RAB15: variants seen among roughly 807,000 people sequenced by gnomAD.
RAB15 encodes ras-related protein Rab-15.
RAB15 carries 13 observed loss-of-function variants against 31.8 expected under a neutral mutation model. That is an observed-to-expected ratio of 0.41 (90% CI 0.27 to 0.65). The LOEUF is 0.65. RAB15 is among the 30% of genes least tolerant of loss of function. The probability of loss-of-function intolerance (pLI) is 0.32; values close to 1 mark genes in which losing one functional copy is unlikely to be tolerated. For missense variants in RAB15, 220 were observed against 277.3 expected, an observed-to-expected ratio of 0.79 and a Z score of 1.47; for synonymous variants, 100 against 105.6, an observed-to-expected ratio of 0.95 and a Z score of 0.33.
rs112773328 is a variant in RAB15, at chr14:64,961,635, T to C, written c.125-9064A>G. The stretch of plus-strand genomic sequence containing the variant: ...ATCTTAACAGTCTCAAGCCCAGGCA[T>C]GGTGGCTCACACCTGTAAACCCAGC... On this transcript the variant is annotated intron_variant, in intron 1 of 6. Coordinates refer to ENST00000533601, the MANE Select transcript of RAB15 (RefSeq NM_001308154.2). Among the ~76,000 whole-genome samples the C allele has an allele frequency of 5.0e-3, 756 of 152,178 alleles. 5 individuals carry two copies. The highest frequency in any genetic ancestry group is 0.017 in the African/African-American group (717 of 41,516).
chr14:64,971,888 C>T lies in RAB15; in HGVS notation c.124+65G>A, dbSNP rs1887440510. On this transcript the variant is annotated intron_variant, in intron 1 of 6. Transcript: ENST00000533601. This position sits in a 1 kb window ranked among gnomAD's most constrained non-coding sequence, Gnocchi z 4.1. ...CTGGCAATTCCTCCCCAGCTGGGGA[C>T]GGGGGCGGCGGGGAAAGGGGCCGCG... is the stretch of plus-strand genomic sequence containing the variant. The T allele has an allele frequency of 2.9e-6, 4 of 1,385,458 alleles. No individual in the cohort carries two copies. Among genetic ancestry groups the T allele is most frequent in the Non-Finnish European group, 3.9e-6 (4 of 1,024,614 alleles). 85.8% of individuals were successfully genotyped at this position (1,385,458 alleles called of 1,614,324 possible).
rs1050742484 is a variant in RAB15, at chr14:64,971,689, C to A, written c.124+264G>T. Reference sequence around the variant, plus strand: ...TACCCAGGCCTACACCAGCTCCCCTCACCCCCGGTTTCTCGGTTTGATGGG... The same window carrying A: ...TACCCAGGCCTACACCAGCTCCCCTAACCCCCGGTTTCTCGGTTTGATGGG... On this transcript the variant is annotated intron_variant, in intron 1 of 6. Transcript: ENST00000533601. This position sits in a 1 kb window ranked among gnomAD's most constrained non-coding sequence, Gnocchi z 4.1. 10 of 524,190 alleles carry A rather than the reference C, an allele frequency of 1.9e-5. No homozygotes were observed. Among genetic ancestry groups the A allele is most frequent in the Admixed American group, 1.0e-4 (3 of 29,352 alleles). The allele number at this position is 524,190 out of a possible 1,614,324, so 32.5% of individuals were successfully genotyped here.
At position 64,946,793 on chromosome 14, in the gene RAB15, G is replaced by A. The variant is rs1885944746; in HGVS notation, c.*1561C>T. 6.6e-6 allele frequency: 1 copy of A among 152,570 alleles called. No individual in the cohort carries two copies. Among genetic ancestry groups the A allele is most frequent in the African/African-American group, 2.4e-5 (1 of 41,440 alleles). The allele number at this position is 152,570 out of a possible 1,614,324, so 9.5% of individuals were successfully genotyped here. A position where few individuals can be genotyped will look rare whatever the true frequency, so the allele number is the denominator to read the frequency against. On this transcript the variant is annotated 3_prime_UTR_variant, in exon 7 of 7. Transcript: ENST00000533601. ...TGCAGCTAATGTGTGGCTTAAGAAT[G>A]ACCCTCTTCCTAGGCCTCGCCCACC...
chr14:64,967,867 C>T (rs888763590), intron 1 of RAB15, among the ~76,000 whole-genome samples: 4 of 151,966 alleles, frequency 2.6e-5, no homozygotes, highest in Non-Finnish European at 5.9e-5. Context: ...GTTGGTACCA[C>T]TGGGGGTGAG....
Position 64,951,509 on chromosome 14 carries a change from T to C in RAB15, c.246+94A>G. 2 of 1,158,320 alleles carry C rather than the reference T, an allele frequency of 1.7e-6. No individual in the cohort carries two copies. The highest frequency in any genetic ancestry group is 2.6e-6 in the Non-Finnish European group (2 of 763,456). The allele number at this position is 1,158,320 out of a possible 1,614,324, so 71.8% of individuals were successfully genotyped here. On this transcript the variant is annotated intron_variant, in intron 3 of 6. Coordinates refer to ENST00000533601, the MANE Select transcript of RAB15 (RefSeq NM_001308154.2). This position sits in a 1 kb window ranked among gnomAD's most constrained non-coding sequence, Gnocchi z 7.2. Reference sequence around the variant, plus strand: ...CGCTCCTCCAAGCAGGCGAACTGTATTTAGGGGATCCGTGGCACAGACATC... The same window carrying C: ...CGCTCCTCCAAGCAGGCGAACTGTACTTAGGGGATCCGTGGCACAGACATC...
At position 64,971,240 on chromosome 14, in the gene RAB15, C is replaced by G. The variant is rs529249746; in HGVS notation, c.124+713G>C. On this transcript the variant is annotated intron_variant, in intron 1 of 6. Coordinates refer to ENST00000533601, the MANE Select transcript of RAB15 (RefSeq NM_001308154.2). The surrounding 1 kb of genome is among the most constrained non-coding windows in gnomAD (Gnocchi z 4.1). ...CGGGTCTTGTCCCTCTAACCACAGG[C>G]TCCAGCACTGCCAGATGAGAGATGC... Among the ~76,000 whole-genome samples the G allele has an allele frequency of 1.3e-5, 2 of 152,214 alleles. No individual in the cohort carries two copies. The highest frequency in any genetic ancestry group is 4.8e-5 in the African/African-American group (2 of 41,450).
At position 64,951,221 on chromosome 14, in the gene RAB15, G is replaced by A. The variant is rs1419242751; in HGVS notation, c.247-70C>T. 49 of 1,324,256 alleles carry A rather than the reference G, an allele frequency of 3.7e-5. No homozygotes were observed. Among genetic ancestry groups the A allele is most frequent in the Admixed American group, 7.2e-5 (4 of 55,832 alleles). 82.0% of individuals were successfully genotyped at this position (1,324,256 alleles called of 1,614,324 possible). A position where few individuals can be genotyped will look rare whatever the true frequency, so the allele number is the denominator to read the frequency against. ...TGCAGTCATGGGGCCAGAAGGGGCC[G>A]TGGAAACTTAAAGGTTGGGTCCCAC... On this transcript the variant is annotated intron_variant, in intron 3 of 6. Transcript: ENST00000533601. The surrounding 1 kb of genome is among the most constrained non-coding windows in gnomAD (Gnocchi z 7.2).
intron 1 of RAB15, among the ~76,000 whole-genome samples, chr14:64,957,629 C>T (rs976569369): frequency 6.6e-6 from 1 of 152,166 alleles, no homozygotes; most frequent in Admixed American, 6.5e-5. Context: ...AGCTCTTATG[C>T]GGGTCCCATG....
intron 5 of RAB15, among the ~76,000 whole-genome samples, chr14:64,949,672 G>T (rs970868699): frequency 2.0e-5 from 3 of 148,256 alleles, no homozygotes; most frequent in South Asian, 2.1e-4. Flanking sequence ...GCAGTGAGCC[G>T]AGATGGCGCC....
At position 64,962,750 on chromosome 14, in the gene RAB15, G is replaced by A. The variant is rs1886926107; in HGVS notation, c.124+9203C>T. The stretch of plus-strand genomic sequence containing the variant: ...GAGGGTCAACAGTACTCTCTCCTTT[G>A]TTACAAAAGGGGAACTGCAGCAAGA... On this transcript the variant is annotated intron_variant, in intron 1 of 6. Coordinates refer to ENST00000533601, the MANE Select transcript of RAB15 (RefSeq NM_001308154.2). The surrounding 1 kb of genome is among the most constrained non-coding windows in gnomAD (Gnocchi z 4.2). Among the ~76,000 whole-genome samples, 1 of 152,178 alleles carries A rather than the reference G, an allele frequency of 6.6e-6. No individual in the cohort carries two copies. Among genetic ancestry groups the A allele is most frequent in the Non-Finnish European group, 1.5e-5 (1 of 68,032 alleles).
rs979078291 is a variant in RAB15 at position 64,947,519 on chromosome 14, C to A, written c.*835G>T. 2.0e-5 allele frequency: 3 copies of A among 152,680 alleles called. No homozygotes were observed. The highest frequency in any genetic ancestry group is 2.0e-4 in the Admixed American group (3 of 15,284). 9.5% of individuals were successfully genotyped at this position (152,680 alleles called of 1,614,324 possible). On this transcript the variant is annotated 3_prime_UTR_variant, in exon 7 of 7. Coordinates refer to ENST00000533601, the MANE Select transcript of RAB15 (RefSeq NM_001308154.2). This position sits in a 1 kb window ranked among gnomAD's most constrained non-coding sequence, Gnocchi z 5.6. The stretch of plus-strand genomic sequence containing the variant: ...AGGTGACTTTTTATCCCTGCCACCC[C>A]TCATTTTGTTTCCTTCTCTGAAGCA...
chr14:64,950,740 C>G lies in RAB15; in HGVS notation c.325-326G>C. 1 of 597,774 alleles carries G rather than the reference C, an allele frequency of 1.7e-6. No individual in the cohort carries two copies. The highest frequency in any genetic ancestry group is 3.0e-6 in the Non-Finnish European group (1 of 336,280). The allele number at this position is 597,774 out of a possible 1,614,324, so 37.0% of individuals were successfully genotyped here. On this transcript the variant is annotated intron_variant, in intron 4 of 6. Coordinates refer to ENST00000533601, the MANE Select transcript of RAB15 (RefSeq NM_001308154.2). This position sits in a 1 kb window ranked among gnomAD's most constrained non-coding sequence, Gnocchi z 5.6. ...GACCCAGAGGATTCAAATGGCTTCC[C>G]AAGGCTCCACAGCTATTGTGCAGAG... is the stretch of plus-strand genomic sequence containing the variant.
intron 1 of RAB15, among the ~76,000 whole-genome samples, chr14:64,961,085 G>A (rs542976855): frequency 3.3e-5 from 5 of 152,066 alleles, no homozygotes; most frequent in South Asian, 2.2e-4. Context: ...CCAGCAGTGC[G>A]ACCTGAACTT....
chr14:64,964,382 C>T (rs1228853916), intron 1 of RAB15, among the ~76,000 whole-genome samples: 2 of 151,370 alleles, frequency 1.3e-5, no homozygotes, highest in South Asian at 2.1e-4. Context: ...CTTAGCCCAG[C>T]GTGGTGGTGC....
chr14:64,968,890 A>T lies in RAB15; in HGVS notation c.124+3063T>A, dbSNP rs182928603. On this transcript the variant is annotated intron_variant, in intron 1 of 6. Coordinates refer to ENST00000533601, the MANE Select transcript of RAB15 (RefSeq NM_001308154.2). This position sits in a 1 kb window ranked among gnomAD's most constrained non-coding sequence, Gnocchi z 4.9. ...TCTGCTGGCCAGAAAGACGAAAAGGATAGGGGGAGGGACAGTCAGTGTCTC... is the reference window on the plus strand; with the variant it reads ...TCTGCTGGCCAGAAAGACGAAAAGGTTAGGGGGAGGGACAGTCAGTGTCTC... Among the ~76,000 whole-genome samples the T allele has an allele frequency of 6.6e-6, 1 of 152,194 alleles. No homozygotes were observed.
In RAB15 at chr14:64,971,856, G is replaced by T. The variant is rs1301532008; in HGVS notation, c.124+97C>A. 3 of 1,222,292 alleles carry T rather than the reference G, an allele frequency of 2.5e-6. No homozygotes were observed. Among genetic ancestry groups the T allele is most frequent in the African/African-American group, 1.5e-5 (1 of 65,404 alleles). The allele number at this position is 1,222,292 out of a possible 1,614,324, so 75.7% of individuals were successfully genotyped here. On this transcript the variant is annotated intron_variant, in intron 1 of 6. Transcript: ENST00000533601. The surrounding 1 kb of genome is among the most constrained non-coding windows in gnomAD (Gnocchi z 4.1). Reference sequence around the variant, plus strand: ...GCCTCCGGCGCCACCGCCTCCAGCCGGAGGGGCTGGCAATTCCTCCCCAGC... The same window carrying T: ...GCCTCCGGCGCCACCGCCTCCAGCCTGAGGGGCTGGCAATTCCTCCCCAGC...
At position 64,955,137 on chromosome 14, in the gene RAB15, G is replaced by A. The variant is rs1177995151; in HGVS notation, c.125-2566C>T. Among the ~76,000 whole-genome samples the A allele has an allele frequency of 6.6e-6, 1 of 152,086 alleles. No individual in the cohort carries two copies. Among genetic ancestry groups the A allele is most frequent in the Non-Finnish European group, 1.5e-5 (1 of 68,010 alleles). ...CAACCTAGGTCTCACTGGCCACCTG[G>A]GAACATGTGTTTTATTCACCTTTTG... On this transcript the variant is annotated intron_variant, in intron 1 of 6. Transcript: ENST00000533601. The surrounding 1 kb of genome is among the most constrained non-coding windows in gnomAD (Gnocchi z 4.4).
At position 64,972,268 on chromosome 14, in the gene RAB15, G is replaced by T; in HGVS notation, c.-192C>A. The stretch of plus-strand genomic sequence containing the variant: ...GGGTGCCGGGAAGCGCGGCTGCGGC[G>T]GGAGCCCGGCGCGGCGCCCGCTCGG... On this transcript the variant is annotated 5_prime_UTR_variant, in exon 1 of 7. Coordinates refer to ENST00000533601, the MANE Select transcript of RAB15 (RefSeq NM_001308154.2). This position sits in a 1 kb window ranked among gnomAD's most constrained non-coding sequence, Gnocchi z 6.3. 1 of 216,210 alleles carries T rather than the reference G, an allele frequency of 4.6e-6. No individual in the cohort carries two copies. The highest frequency in any genetic ancestry group is 7.7e-6 in the Non-Finnish European group (1 of 129,194). 13.4% of individuals were successfully genotyped at this position (216,210 alleles called of 1,614,324 possible). A position where few individuals can be genotyped will look rare whatever the true frequency, so the allele number is the denominator to read the frequency against.
In RAB15 at chr14:64,950,341, C is replaced by G. The variant is rs766908633; in HGVS notation, c.398G>C (p.Arg133Thr). 1 of 1,614,162 alleles carries G rather than the reference C, an allele frequency of 6.2e-7. No individual in the cohort carries two copies. Residue 133 changes from arginine (R) to threonine (T), a missense_variant, in exon 5 of 7, where the codon AGA (arginine) becomes ACA (threonine). Arg to Thr is a moderately conservative substitution (Grantham distance 71). Coordinates refer to ENST00000533601, the MANE Select transcript of RAB15 (RefSeq NM_001308154.2). The surrounding 1 kb of genome is among the most constrained non-coding windows in gnomAD (Gnocchi z 5.6). ...TCCACTTACCTGCTGCCCTTGCTCT[C>G]TTCCCACCTGCCGTTTCTGCTCCTC... ...ADEEQKRQVG[R>T]EQGQQLAKEY...
Sources: gnomAD v4.1 joint callset for allele counts (sites outside exome capture counted in the v4.1 genomes callset) on GRCh38, gnomAD v4.1.1 for gene constraint, Gnocchi (gnomAD v3.1) non-coding constraint, MANE v1.5 for transcripts, NCBI Gene and HGNC (gene_info 2026-07-23, HGNC 2026-07-21) for gene names.